The following NKAIN3 variants were observed in gnomAD, a reference collection of about 807,000 sequenced individuals.
NKAIN3 encodes the protein sodium/potassium transporting ATPase interacting 3.
A neutral mutation model predicts 30.2 loss-of-function variants in NKAIN3; 25 were observed. The observed-to-expected ratio is 0.83, with a 90% confidence interval of 0.60 to 1.16. The LOEUF (loss-of-function observed/expected upper bound fraction) is 1.16, where lower values mean the gene tolerates loss of function less well. Among genes scored for constraint, NKAIN3 ranks in the 50% most tolerant of loss-of-function variants. The pLI is 0.00. For synonymous variants in NKAIN3, 91 were observed against 89.6 expected, an observed-to-expected ratio of 1.02 and a Z score of -0.09; for missense variants, 225 against 254.1, an observed-to-expected ratio of 0.89 and a Z score of 0.78.
intron 3 of NKAIN3, among the ~76,000 whole-genome samples, chr8:62,600,124 T>A (rs1183267970): frequency 6.6e-6 from 1 of 152,032 alleles, no homozygotes; most frequent in African/African-American, 2.4e-5. Context: ...TCTAGGTACA[T>A]TTTACCTAGA....
intron 3 of NKAIN3, among the ~76,000 whole-genome samples, chr8:62,616,101 T>A (rs1811445233): frequency 6.6e-6 from 1 of 152,158 alleles, no homozygotes; most frequent in Admixed American, 6.5e-5. Flanking sequence ...TATGTGAAAA[T>A]TCACATTTTT....
chr8:62,777,363 G>T (rs1817223807), intron 4 of NKAIN3, among the ~76,000 whole-genome samples: 2 of 151,848 alleles, frequency 1.3e-5, no homozygotes, highest in African/African-American at 4.8e-5. Flanking sequence ...TTTTTATCTT[G>T]TAGATGTGCT....
At chr8:62,448,293 G>A (rs749086542) in intron 1 of NKAIN3, among the ~76,000 whole-genome samples, 2 of 151,680 alleles carry the variant, frequency 1.3e-5, no homozygotes, top group African/African-American at 2.4e-5. Flanking sequence ...TTCTTTTCAG[G>A]TTAGGCCAGA....
intron 3 of NKAIN3, among the ~76,000 whole-genome samples, chr8:62,708,981 G>A (rs961925093): frequency 9.2e-5 from 14 of 152,162 alleles, no homozygotes; most frequent in African/African-American, 1.9e-4. Context: ...TGAGATGATC[G>A]TTTGATTTTT....
chr8:62,640,077 C>G (rs2130296369), intron 3 of NKAIN3, among the ~76,000 whole-genome samples: 1 of 152,084 alleles, frequency 6.6e-6, no homozygotes, highest in Middle Eastern at 3.4e-3. Context: ...CATATTTTTC[C>G]CAATCATTTA....
At chr8:62,407,653 G>T (rs532639690) in intron 1 of NKAIN3, among the ~76,000 whole-genome samples, 1 of 152,118 alleles carries the variant, frequency 6.6e-6, no homozygotes, top group African/African-American at 2.4e-5. Context: ...GGATGGTCTC[G>T]ATCTCTTGAT....
intron 1 of NKAIN3, among the ~76,000 whole-genome samples, chr8:62,490,404 A>G (rs550982819): frequency 1.3e-5 from 2 of 152,154 alleles, no homozygotes; most frequent in Non-Finnish European, 2.9e-5. Context: ...CTCTTAATAT[A>G]TATGTCCTGG....
At chr8:62,294,004 G>A (rs924517008) in intron 1 of NKAIN3, among the ~76,000 whole-genome samples, 1 of 152,182 alleles carries the variant, frequency 6.6e-6, no homozygotes, top group Non-Finnish European at 1.5e-5. Context: ...CTAGTAGTGA[G>A]CGAGGCTCTG....
At chr8:62,775,284 T>C (rs1458628837) in intron 4 of NKAIN3, among the ~76,000 whole-genome samples, 1 of 152,052 alleles carries the variant, frequency 6.6e-6, no homozygotes, top group Non-Finnish European at 1.5e-5. Context: ...TTTATTTGGG[T>C]CTTCGTTCAT....
rs371645895 is a variant in NKAIN3 at position 62,799,764 on chromosome 8, A to G, written c.471+52635A>G. ...TGCACATGCATGTTTATAGCAACAC[A>G]TTTGTAATTGCAAAACTATGGAATC... On this transcript the variant is annotated intron_variant, in intron 4 of 6. Transcript: ENST00000623646. 2.6e-3 allele frequency among the ~76,000 whole-genome samples: 390 copies of G among 152,346 alleles called. 2 individuals are homozygous for G. Among genetic ancestry groups the G allele is most frequent in the African/African-American group, 8.9e-3 (372 of 41,584 alleles).
At chr8:62,503,412 G>T (rs1434119957) in intron 1 of NKAIN3, among the ~76,000 whole-genome samples, 1 of 152,160 alleles carries the variant, frequency 6.6e-6, no homozygotes, top group African/African-American at 2.4e-5. Flanking sequence ...AGAAACTCCT[G>T]ATAAGGGTCT....
intron 1 of NKAIN3, among the ~76,000 whole-genome samples, chr8:62,469,251 A>C (rs1220755374): frequency 6.6e-6 from 1 of 152,214 alleles, no homozygotes; most frequent in Non-Finnish European, 1.5e-5. Context: ...TGGCAATACT[A>C]GAAAACATGT....
At chr8:62,907,373 G>T (rs1821807456) in intron 4 of NKAIN3, among the ~76,000 whole-genome samples, 2 of 152,190 alleles carry the variant, frequency 1.3e-5, no homozygotes, top group Admixed American at 1.3e-4. Flanking sequence ...AAAATGTGCA[G>T]GCTGATGATG....
intron 3 of NKAIN3, among the ~76,000 whole-genome samples, chr8:62,615,141 ACCTGAGGCACT>A (rs552150339): frequency 2.1e-5 from 3 of 145,292 alleles, no homozygotes; most frequent in Non-Finnish European, 3.0e-5. Context: ...TCAGAGGCTC[ACCTGAGGCACT>A]CAAGGTAGTA....
intron 4 of NKAIN3, among the ~76,000 whole-genome samples, chr8:62,876,320 C>G (rs573025679): frequency 6.6e-6 from 1 of 152,248 alleles, no homozygotes; most frequent in South Asian, 2.1e-4. Flanking sequence ...ACAATAGATA[C>G]TGGTGAGGGT....
intron 1 of NKAIN3, among the ~76,000 whole-genome samples, chr8:62,533,189 T>C (rs1390222929): frequency 6.6e-6 from 1 of 152,180 alleles, no homozygotes; most frequent in Non-Finnish European, 1.5e-5. Context: ...AAGTTACAGT[T>C]TGATTAGGAA....
At chr8:62,542,585 T>C (rs1375258596) in intron 1 of NKAIN3, among the ~76,000 whole-genome samples, 1 of 152,132 alleles carries the variant, frequency 6.6e-6, no homozygotes, top group Non-Finnish European at 1.5e-5. Context: ...AAAGACCATT[T>C]GAGTTCCTCT....
At chr8:62,753,742 G>T (rs1816360048) in intron 4 of NKAIN3, among the ~76,000 whole-genome samples, 1 of 152,062 alleles carries the variant, frequency 6.6e-6, no homozygotes, top group Admixed American at 6.6e-5. Context: ...ATAACTTTTG[G>T]TCTTGTAACC....
At chr8:62,461,103 A>G (rs1224561201) in intron 1 of NKAIN3, among the ~76,000 whole-genome samples, 2 of 152,200 alleles carry the variant, frequency 1.3e-5, no homozygotes, top group Non-Finnish European at 1.5e-5. Flanking sequence ...CAGGAAGTGA[A>G]GTCTAATGCA....
Sources: allele counts gnomAD v4.1 joint callset (sites outside exome capture counted in the v4.1 genomes callset), GRCh38; gene constraint gnomAD v4.1.1; transcripts MANE v1.5; gene names NCBI Gene and HGNC (gene_info 2026-07-23, HGNC 2026-07-21).